Variants in UXS1 observed in about 807,000 individuals in gnomAD.
The protein encoded by UXS1 is UDP-glucuronic acid decarboxylase 1.
UXS1 carries 33 observed loss-of-function variants against 62.6 expected under a neutral mutation model. The ratio of observed to expected loss-of-function variants is 0.53; its 90% CI spans 0.40 to 0.70. The LOEUF (loss-of-function observed/expected upper bound fraction) is 0.70, where lower values mean the gene tolerates loss of function less well. UXS1 is among the 30% of genes least tolerant of loss of function. UXS1 has a pLI of 0.00. For synonymous variants in UXS1, 213 were observed against 206.8 expected (o/e 1.03, Z -0.26); for missense variants, 434 against 556.3 (o/e 0.78, Z 2.21).
chr2:106,109,796 T>A (rs548193580), intron 10 of UXS1, among the ~76,000 whole-genome samples: 1 of 152,290 alleles, frequency 6.6e-6, no homozygotes, highest in Non-Finnish European at 1.5e-5. Flanking sequence ...AGGAATCTGC[T>A]CAAAAACACG....
intron 2 of UXS1, among the ~76,000 whole-genome samples, chr2:106,165,221 T>G (rs1573548052): frequency 1.3e-5 from 2 of 152,264 alleles, no homozygotes; most frequent in South Asian, 2.1e-4. Context: ...CACCTAGTCA[T>G]ACACAGCAGC....
intron 1 of UXS1, among the ~76,000 whole-genome samples, chr2:106,188,944 A>T (rs1191631591): frequency 6.6e-6 from 1 of 152,176 alleles, no homozygotes; most frequent in Non-Finnish European, 1.5e-5. Flanking sequence ...ACAAAAAAGA[A>T]CTCTTATACA....
rs776159808 is a variant in UXS1, at chr2:106,102,845, A to AC, written c.924-1728dup. On this transcript the variant is annotated intron_variant, in intron 11 of 14. Transcript: ENST00000283148. ...ATAACTAAAAAGTTTAAGTCAGGAAACCCTTGCCCAAGTATGGCAAAGTCC... is the reference window on the plus strand; with the variant it reads ...ATAACTAAAAAGTTTAAGTCAGGAAACCCCTTGCCCAAGTATGGCAAAGTCC... The AC allele has an allele frequency of 3.3e-4, 50 of 152,304 alleles. 4 individuals carry two copies. Among genetic ancestry groups the AC allele is most frequent in the Admixed American group, 2.2e-3 (33 of 15,302 alleles). The allele number at this position is 152,304 out of a possible 1,614,324, so 9.4% of individuals were successfully genotyped here. A position where few individuals can be genotyped will look rare whatever the true frequency, so the allele number is the denominator to read the frequency against.
At position 106,137,200 on chromosome 2, in the gene UXS1, A is replaced by G. The variant is rs959155646; in HGVS notation, c.473-7422T>C. On this transcript the variant is annotated intron_variant, in intron 6 of 14. Coordinates refer to ENST00000283148, the MANE Select transcript of UXS1 (RefSeq NM_001253875.2). ...CCCACAAGTTATTCTGAGCTGAAAA[A>G]CAGCTAAAAATAAAAGACAAACTAA... 1.2e-4 allele frequency among the ~76,000 whole-genome samples: 18 copies of G among 152,170 alleles called. No homozygotes were observed. In the South Asian group the frequency reaches 3.7e-3, roughly 31 times the overall value.
intron 1 of UXS1, among the ~76,000 whole-genome samples, chr2:106,172,267 C>T (rs1160508982): frequency 6.6e-6 from 1 of 152,078 alleles, no homozygotes; most frequent in Middle Eastern, 3.2e-3. Context: ...AACAGTGTGC[C>T]CCCATTCCTG....
intron 5 of UXS1, 46 bp downstream of exon 5, chr2:106,158,008 AAAAG>A (rs1216090618): frequency 7.6e-6 from 11 of 1,455,118 alleles, no homozygotes; most frequent in African/African-American, 2.8e-5. Flanking sequence ...TCTCAACGAA[AAAAG>A]AAAGTTTCTT....
intron 14 of UXS1, among the ~76,000 whole-genome samples, chr2:106,095,725 G>GAACA (rs1244396546): frequency 6.6e-6 from 1 of 152,202 alleles, no homozygotes; most frequent in African/African-American, 2.4e-5. Flanking sequence ...GGCAAAGAGG[G>GAACA]AACAGCCAGG....
intron 1 of UXS1, among the ~76,000 whole-genome samples, chr2:106,175,280 T>C (rs1394873930): frequency 6.6e-6 from 1 of 152,226 alleles, no homozygotes; most frequent in Non-Finnish European, 1.5e-5. Context: ...TGCATTCCAA[T>C]GCTGGACTGT....
At chr2:106,113,296 A>G (rs1678772791) in intron 9 of UXS1, among the ~76,000 whole-genome samples, 1 of 152,196 alleles carries the variant, frequency 6.6e-6, no homozygotes, top group Non-Finnish European at 1.5e-5. Context: ...CTCCCAATCT[A>G]TTTTACTAAA....
At chr2:106,105,727 G>A (rs1256164960) in intron 10 of UXS1, among the ~76,000 whole-genome samples, 3 of 152,184 alleles carry the variant, frequency 2.0e-5, no homozygotes, top group South Asian at 2.1e-4. Flanking sequence ...CCTGCGGAGC[G>A]CCACGGATCA....
intron 10 of UXS1, among the ~76,000 whole-genome samples, chr2:106,106,056 T>A (rs546020245): frequency 6.6e-6 from 1 of 152,084 alleles, no homozygotes; most frequent in South Asian, 2.1e-4. Flanking sequence ...AGGGGAAGGA[T>A]CAGGTGGAGA....
chr2:106,136,820 C>T (rs1469375480), intron 6 of UXS1, among the ~76,000 whole-genome samples: 2 of 98,466 alleles, frequency 2.0e-5, no homozygotes, highest in African/African-American at 4.1e-5. Flanking sequence ...CTAGATGACA[C>T]GTTAGTGGGT....
At chr2:106,104,877 C>T in intron 10 of UXS1, 40 bp from the exon 11 acceptor site, 1 of 1,613,692 alleles carries the variant, frequency 6.2e-7, no homozygotes, top group Non-Finnish European at 8.5e-7. Flanking sequence ...GATAAAACCA[C>T]ACCCGTCCTG....
chr2:106,158,916 AC>A (rs1682673532), intron 4 of UXS1, among the ~76,000 whole-genome samples: 1 of 152,212 alleles, frequency 6.6e-6, no homozygotes, highest in Non-Finnish European at 1.5e-5. Flanking sequence ...AAGAGATGTC[AC>A]CCGGTCCTCA....
At chr2:106,125,489 T>TGC (rs1347239052) in intron 8 of UXS1, 131 bp downstream of exon 8, 18 of 809,714 alleles carry the variant, frequency 2.2e-5, no homozygotes, top group Non-Finnish European at 2.1e-5. Flanking sequence ...GGCCGACAGG[T>TGC]AGCCTCCTGT....
At chr2:106,183,979 G>A (rs1346616207) in intron 1 of UXS1, among the ~76,000 whole-genome samples, 1 of 152,084 alleles carries the variant, frequency 6.6e-6, no homozygotes, top group Admixed American at 6.5e-5. Flanking sequence ...ATCACCTGAG[G>A]TCGGGAGTTC....
chr2:106,167,775 A>G (rs1479390192), intron 1 of UXS1, among the ~76,000 whole-genome samples: 2 of 152,244 alleles, frequency 1.3e-5, no homozygotes, highest in Non-Finnish European at 2.9e-5. Flanking sequence ...CTTGAACAGT[A>G]GCTGGGTAAA....
chr2:106,169,425 G>A (rs1047498849), intron 1 of UXS1, among the ~76,000 whole-genome samples: 2 of 152,014 alleles, frequency 1.3e-5, no homozygotes, highest in Non-Finnish European at 2.9e-5. Flanking sequence ...AGGTTGGTGC[G>A]GTGGCTTGTG....
At chr2:106,164,714 C>G (rs756295286) in intron 3 of UXS1, 22 bp downstream of exon 3, 12 of 1,525,550 alleles carry the variant, frequency 7.9e-6, no homozygotes, top group Non-Finnish European at 1.1e-5. Context: ...GAAATAGATA[C>G]AAAAATAGAA....
Sources: allele counts gnomAD v4.1 joint callset (sites outside exome capture counted in the v4.1 genomes callset), GRCh38; gene constraint gnomAD v4.1.1; transcripts MANE v1.5; gene names NCBI Gene and HGNC (gene_info 2026-07-23, HGNC 2026-07-21).